GABRB1: variants seen among roughly 807,000 people sequenced by gnomAD.
GABRB1 encodes gamma-aminobutyric acid receptor subunit beta-1.
In GABRB1, 17 loss-of-function variants were observed where a neutral mutation model predicts 51.6. The ratio of observed to expected loss-of-function variants is 0.33; its 90% CI spans 0.23 to 0.49. The LOEUF is 0.49. Ranked by LOEUF, GABRB1 falls within the 20% of genes least tolerant of loss-of-function variation. The pLI is 0.99. For missense variants in GABRB1, 410 were observed against 600.6 expected, an observed-to-expected ratio of 0.68 and a Z score of 3.32; for synonymous variants, 247 against 218.9, an observed-to-expected ratio of 1.13 and a Z score of -1.14.
intron 5 of GABRB1, among the ~76,000 whole-genome samples, chr4:47,344,921 C>T (rs1363653125): frequency 2.6e-5 from 4 of 151,972 alleles, no homozygotes; most frequent in Non-Finnish European, 4.4e-5. Context: ...CGGAGTTTCA[C>T]CATGTTGGCT....
At chr4:47,016,082 T>C (rs111413990) in intron 1 of GABRB1, among the ~76,000 whole-genome samples, 5 of 152,266 alleles carry the variant, frequency 3.3e-5, no homozygotes, top group African/African-American at 1.2e-4. Flanking sequence ...GCTTCTGGCT[T>C]ATACAGAAAA....
chr4:47,218,058 G>A (rs1720623361), intron 4 of GABRB1, among the ~76,000 whole-genome samples: 1 of 151,600 alleles, frequency 6.6e-6, no homozygotes, highest in Non-Finnish European at 1.5e-5. Context: ...AACTTTTTTA[G>A]CTCTCACATA....
In GABRB1 at chr4:47,406,858, A is replaced by G. The variant is rs763802053; in HGVS notation, c.1012A>G (p.Lys338Glu). Residue 338 changes from lysine to glutamate, a missense_variant, in exon 8 of 9, where the codon AAA becomes GAA. Transcript: ENST00000295454. ...CATCTTCTTTGGGAAAGGCCCTCAG[A>G]AAAAGGGAGCTAGCAAACAAGACCA... ...NYIFFGKGPQ[K>E]KGASKQDQSA... is the part of the protein sequence containing the mutation. 1 of 1,614,014 alleles carries G rather than the reference A, an allele frequency of 6.2e-7. No homozygotes were observed. The highest frequency in any genetic ancestry group is 8.5e-7 in the Non-Finnish European group (1 of 1,179,926).
chr4:47,318,794 T>C (rs1158883246), intron 4 of GABRB1, among the ~76,000 whole-genome samples: 1 of 152,130 alleles, frequency 6.6e-6, no homozygotes, highest in African/African-American at 2.4e-5. Context: ...TGATTCACTT[T>C]TGAATTGACA....
At chr4:47,286,308 T>G (rs1723506825) in intron 4 of GABRB1, among the ~76,000 whole-genome samples, 1 of 152,236 alleles carries the variant, frequency 6.6e-6, no homozygotes, top group South Asian at 2.1e-4. Flanking sequence ...CATTGTCTTA[T>G]TTGAATGATT....
chr4:47,027,845 T>C (rs1725149990), upstream of GABRB1, among the ~76,000 whole-genome samples: 1 of 151,596 alleles, frequency 6.6e-6, no homozygotes, highest in South Asian at 2.1e-4. Context: ...AATAAAATTA[T>C]ATCATATTAG....
chr4:47,039,379 G>A (rs796685124), intron 3 of GABRB1, among the ~76,000 whole-genome samples: 14 of 145,362 alleles, frequency 9.6e-5, no homozygotes, highest in Admixed American at 4.9e-4. Flanking sequence ...AAAAAAACCA[G>A]GCAACTAGAT....
intron 5 of GABRB1, among the ~76,000 whole-genome samples, chr4:47,356,820 G>T (rs1025385132): frequency 6.6e-6 from 1 of 152,134 alleles, no homozygotes; most frequent in Non-Finnish European, 1.5e-5. Context: ...GATAAAATCA[G>T]ATTTTAAAAA....
rs372240538 is a variant in GABRB1 at position 47,340,393 on chromosome 4, T to G, written c.544+20184T>G. On this transcript the variant is annotated intron_variant, in intron 5 of 8. Coordinates refer to ENST00000295454, the MANE Select transcript of GABRB1 (RefSeq NM_000812.4). ...CCTTTCCTCCACCATGTTCCAAATC[T>G]GGTGCTGTCTTAGTCCATTTGCGCT... Among the ~76,000 whole-genome samples, 1,033 of 152,282 alleles carry G rather than the reference T, an allele frequency of 6.8e-3. 8 individuals carry two copies. The highest frequency in any genetic ancestry group is 0.01 in the South Asian group (50 of 4,820).
intron 3 of GABRB1, among the ~76,000 whole-genome samples, chr4:47,088,008 T>G (rs1270251022): frequency 6.6e-6 from 1 of 152,190 alleles, no homozygotes; most frequent in African/African-American, 2.4e-5. Flanking sequence ...TTTCATGATA[T>G]TATGTGGAAA....
intron 3 of GABRB1, among the ~76,000 whole-genome samples, chr4:47,061,122 T>A (rs1726830235): frequency 6.6e-6 from 1 of 152,226 alleles, no homozygotes; most frequent in African/African-American, 2.4e-5. Context: ...TCTAAAGGCT[T>A]TGACATGTGA....
At chr4:47,143,445 GA>G (rs1247545549) in intron 3 of GABRB1, among the ~76,000 whole-genome samples, 1 of 151,716 alleles carries the variant, frequency 6.6e-6, no homozygotes, top group Non-Finnish European at 1.5e-5. Context: ...TTGACAGGAG[GA>G]ACAGGCACAC....
intron 3 of GABRB1, among the ~76,000 whole-genome samples, chr4:47,105,017 G>C (rs1411986006): frequency 1.3e-5 from 2 of 151,926 alleles, no homozygotes; most frequent in African/African-American, 2.4e-5. Context: ...GGTTGAAATG[G>C]AGACATCTTA....
At chr4:47,194,183 C>A (rs749373253) in intron 4 of GABRB1, among the ~76,000 whole-genome samples, 1 of 152,084 alleles carries the variant, frequency 6.6e-6, no homozygotes, top group Non-Finnish European at 1.5e-5. Context: ...ATAAGTTCAA[C>A]GGTATGGAAT....
chr4:47,145,293 G>A (rs1577948993), intron 3 of GABRB1, among the ~76,000 whole-genome samples: 1 of 152,016 alleles, frequency 6.6e-6, no homozygotes, highest in Non-Finnish European at 1.5e-5. Context: ...CATTCTGCCA[G>A]GCAGCTCTTT....
At chr4:47,249,909 A>G (rs923756601) in intron 4 of GABRB1, among the ~76,000 whole-genome samples, 30 of 152,160 alleles carry the variant, frequency 2.0e-4, no homozygotes, top group African/African-American at 6.8e-4. Context: ...TATGTGGAGC[A>G]TTTAGGCCAT....
chr4:47,017,185 G>A (rs1456969191), intron 1 of GABRB1, among the ~76,000 whole-genome samples: 1 of 152,122 alleles, frequency 6.6e-6, no homozygotes, highest in African/African-American at 2.4e-5. Flanking sequence ...TATAGTTTAT[G>A]CGTTTATGAA....
chr4:47,425,659 T>A lies in GABRB1; in HGVS notation c.1081-15T>A. 1 of 1,575,104 alleles carries A rather than the reference T, an allele frequency of 6.3e-7. No individual in the cohort carries two copies. The highest frequency in any genetic ancestry group is 8.6e-7 in the Non-Finnish European group (1 of 1,159,548). The stretch of plus-strand genomic sequence containing the variant: ...TCCTGCAACTTGTGTCCGAGCCTGT[T>A]CTTTTTGCCATCAGGTCGACGCCCA... On this transcript the variant is annotated splice_polypyrimidine_tract_variant and intron_variant, in intron 8 of 8. Transcript: ENST00000295454.
intron 4 of GABRB1, among the ~76,000 whole-genome samples, chr4:47,284,181 T>C (rs1723414649): frequency 6.6e-6 from 1 of 152,062 alleles, no homozygotes; most frequent in African/African-American, 2.4e-5. Flanking sequence ...GGGGTTGTCT[T>C]TTTTCTGTCC....
Sources: allele counts gnomAD v4.1 joint callset (sites outside exome capture counted in the v4.1 genomes callset), GRCh38; gene constraint gnomAD v4.1.1; transcripts MANE v1.5; gene names NCBI Gene and HGNC (gene_info 2026-07-23, HGNC 2026-07-21).